Variants in IL2RB observed in about 807,000 individuals in gnomAD.
IL2RB encodes interleukin-2 receptor subunit beta.
IL2RB carries 17 observed loss-of-function variants against 44.2 expected under a neutral mutation model. That is an observed-to-expected ratio of 0.38 (90% CI 0.26 to 0.58). The LOEUF (loss-of-function observed/expected upper bound fraction) is 0.58, where lower values mean the gene tolerates loss of function less well. Among genes scored for constraint, IL2RB ranks in the 20% least tolerant of loss-of-function variants. IL2RB has a pLI of 0.63. For synonymous variants in IL2RB, 286 were observed against 297.9 expected (o/e 0.96, Z 0.41); for missense variants, 624 against 685.5 (o/e 0.91, Z 1.00).
intron 9 of IL2RB, among the ~76,000 whole-genome samples, chr22:37,131,189 T>C (rs1284259133): frequency 2.0e-5 from 3 of 151,884 alleles, no homozygotes; most frequent in Non-Finnish European, 2.9e-5. Flanking sequence ...AATAAATAAA[T>C]AAATAAAAGC....
chr22:37,159,975 C>T (rs1057042604), intron 1 of IL2RB, among the ~76,000 whole-genome samples: 1 of 152,262 alleles, frequency 6.6e-6, no homozygotes, highest in African/African-American at 2.4e-5. Context: ...CTCTTGATAT[C>T]ATTTCTGCGT....
chr22:37,152,929 C>CTTGT (rs1922550192), upstream of IL2RB, among the ~76,000 whole-genome samples: 1 of 86,982 alleles, frequency 1.1e-5, no homozygotes, highest in Non-Finnish European at 2.1e-5. Context: ...GCTGTGGCCT[C>CTTGT]TTTTTTTTTT....
chr22:37,144,535 A>C (rs939452615), intron 1 of IL2RB, among the ~76,000 whole-genome samples: 4 of 152,204 alleles, frequency 2.6e-5, no homozygotes, highest in African/African-American at 9.6e-5. Flanking sequence ...ACCTGAGGTC[A>C]AGAGTTTGAG....
intron 1 of IL2RB, among the ~76,000 whole-genome samples, chr22:37,169,935 G>A (rs564629911): frequency 3.9e-5 from 6 of 152,288 alleles, no homozygotes; most frequent in African/African-American, 1.4e-4. Context: ...CTTAGTCATT[G>A]TGATGTGGAT....
At position 37,128,027 on chromosome 22, in the gene IL2RB, C is replaced by A. The variant is rs1921209293; in HGVS notation, c.*69G>T. ...GTGTCCTCAGCAGTGGACTGAGGAC[C>A]CTCAACAGGGTCCTTCTGAGGCTCG... On this transcript the variant is annotated 3_prime_UTR_variant, in exon 10 of 10. Transcript: ENST00000216223. The surrounding 1 kb of genome is among the most constrained non-coding windows in gnomAD (Gnocchi z 4.5). The A allele has an allele frequency of 2.3e-6, 3 of 1,332,794 alleles. No individual in the cohort carries two copies. In the East Asian group the frequency reaches 8.6e-5, roughly 38 times the overall value. The allele number at this position is 1,332,794 out of a possible 1,614,324, so 82.6% of individuals were successfully genotyped here.
At chr22:37,167,939 G>A (rs1923138153) in intron 1 of IL2RB, among the ~76,000 whole-genome samples, 2 of 152,240 alleles carry the variant, frequency 1.3e-5, no homozygotes, top group South Asian at 4.1e-4. Context: ...GGCTGAGGTG[G>A]CGTCTGTCCC....
intron 8 of IL2RB, among the ~76,000 whole-genome samples, 153 bp downstream of exon 8, chr22:37,135,175 C>T (rs953769732): frequency 6.6e-6 from 1 of 151,834 alleles, no homozygotes; most frequent in African/African-American, 2.4e-5. Context: ...GCAGGGGGTT[C>T]GGTCCAGAAT....
intron 8 of IL2RB, among the ~76,000 whole-genome samples, chr22:37,135,004 T>G (rs1026876117): frequency 3.9e-5 from 6 of 151,990 alleles, no homozygotes; most frequent in Non-Finnish European, 8.8e-5. Context: ...GAGAGCAGTG[T>G]TCTGGACAGG....
At position 37,135,342 on chromosome 22, in the gene IL2RB, C is replaced by A. The variant is rs1458652964; in HGVS notation, c.804G>T (p.Arg268Ser). 1 of 1,613,450 alleles carries A rather than the reference C, an allele frequency of 6.2e-7. No homozygotes were observed. The highest frequency in any genetic ancestry group is 8.5e-7 in the Non-Finnish European group (1 of 1,179,454). Residue 268 changes from arginine to serine, a missense_variant, in exon 8 of 10, where the codon AGG becomes AGT. Physicochemically the swap from Arg to Ser is moderately radical, Grantham distance 110 (BLOSUM62 -1). Around this residue, in one of 3 missense-constraint regions of IL2RB, gnomAD observed 255 missense variants for 339.9 expected, o/e 0.75. Transcript: ENST00000216223. ...IILVYLLINC[R>S]NTGPWLKKVL... ...AACCTTCTTACCATGGCCCGGTGTT[C>A]CTGCAGTTGATCAGCAAGTACACTA... is the stretch of plus-strand genomic sequence containing the variant.
intron 1 of IL2RB, among the ~76,000 whole-genome samples, chr22:37,144,498 A>G (rs981240005): frequency 6.6e-6 from 1 of 152,200 alleles, no homozygotes; most frequent in African/African-American, 2.4e-5. Context: ...TAATCCCAGC[A>G]CTTTGGGAGG....
At chr22:37,129,487 G>C in intron 9 of IL2RB, among the ~76,000 whole-genome samples, 1 of 132,670 alleles carries the variant, frequency 7.5e-6, no homozygotes, top group East Asian at 2.6e-4. Flanking sequence ...TCCCCAGAGA[G>C]AGGAAAGTGC....
intron 1 of IL2RB, among the ~76,000 whole-genome samples, chr22:37,147,129 CT>C (rs1226337398): frequency 6.6e-6 from 1 of 152,338 alleles, no homozygotes; most frequent in African/African-American, 2.4e-5. Context: ...CTGCCACCCC[CT>C]TAGTCACACC....
At chr22:37,132,593 C>A in intron 8 of IL2RB, 125 bp from the exon 9 acceptor site, 1 of 671,536 alleles carries the variant, frequency 1.5e-6, no homozygotes, top group East Asian at 2.8e-5. Flanking sequence ...GTATTTCTTC[C>A]GCCGATACTA....
intron 8 of IL2RB, among the ~76,000 whole-genome samples, chr22:37,134,943 G>A (rs1035821952): frequency 6.6e-6 from 1 of 152,174 alleles, no homozygotes; most frequent in Non-Finnish European, 1.5e-5. Flanking sequence ...GGACCGGCGG[G>A]GACCCAGACA....
At chr22:37,146,179 T>C (rs1922214524) in intron 1 of IL2RB, among the ~76,000 whole-genome samples, 2 of 152,096 alleles carry the variant, frequency 1.3e-5, no homozygotes, top group Admixed American at 6.5e-5. Flanking sequence ...TTGTTGTCTC[T>C]TCCCCACCCT....
At chr22:37,138,470 C>A (rs1308470253) in intron 5 of IL2RB, among the ~76,000 whole-genome samples, 1 of 152,194 alleles carries the variant, frequency 6.6e-6, no homozygotes, top group South Asian at 2.1e-4. Flanking sequence ...CACTTTCCAC[C>A]CCACTGCTTC....
chr22:37,163,888 G>A (rs1169135668), intron 1 of IL2RB, among the ~76,000 whole-genome samples: 1 of 152,250 alleles, frequency 6.6e-6, no homozygotes, highest in Non-Finnish European at 1.5e-5. Flanking sequence ...ACTGAGACCA[G>A]CTCATTCCTC....
At position 37,136,466 on chromosome 22, in the gene IL2RB, A is replaced by ACCC. The variant is rs34577916; in HGVS notation, c.538-76_538-74dup. On this transcript the variant is annotated intron_variant, in intron 6 of 9. Coordinates refer to ENST00000216223, the MANE Select transcript of IL2RB (RefSeq NM_000878.5). ...GGGCCAGGAGGCTGAGCATCACAGA[A>ACCC]CCCCCCCCCAACCCCTGCCAGCTGC... 7,486 of 1,327,988 alleles carry ACCC rather than the reference A, an allele frequency of 5.6e-3. 62 individuals are homozygous for ACCC. The highest frequency in any genetic ancestry group is 0.053 in the African/African-American group (3,229 of 60,992). The allele number at this position is 1,327,988 out of a possible 1,614,324, so 82.3% of individuals were successfully genotyped here.
intron 7 of IL2RB, 78 bp from the exon 8 acceptor site, chr22:37,135,520 AC>A: frequency 1.2e-6 from 1 of 856,266 alleles, no homozygotes; most frequent in Non-Finnish European, 1.9e-6. Context: ...TCACCCCAAC[AC>A]CCCCATCCAG....
Sources: gnomAD v4.1 joint callset for allele counts (sites outside exome capture counted in the v4.1 genomes callset) on GRCh38, gnomAD v4.1.1 for gene constraint, gnomAD v4.1.1 regional missense constraint, Gnocchi (gnomAD v3.1) non-coding constraint, MANE v1.5 for transcripts, NCBI Gene and HGNC (gene_info 2026-07-23, HGNC 2026-07-21) for gene names.